The following INTS8 variants were observed in gnomAD, a reference collection of about 807,000 sequenced individuals.
INTS8 encodes the protein protein kaonashi-1.
In INTS8, 47 loss-of-function variants were observed where a neutral mutation model predicts 138.9. The ratio of observed to expected loss-of-function variants is 0.34; its 90% CI spans 0.27 to 0.43. The LOEUF (loss-of-function observed/expected upper bound fraction) is 0.43. INTS8 is among the 20% of genes least tolerant of loss of function. INTS8 has a pLI of 1.00. For synonymous variants in INTS8, 392 were observed against 400.9 expected (o/e 0.98, Z 0.27); for missense variants, 996 against 1,173.0 (o/e 0.85, Z 2.20).
intron 2 of INTS8, among the ~76,000 whole-genome samples, chr8:94,825,294 T>C (rs541063435): frequency 3.0e-4 from 45 of 152,166 alleles, no homozygotes; most frequent in Non-Finnish European, 5.1e-4. Flanking sequence ...TAGCCGGGCA[T>C]GGTGGCGGGC....
Position 94,849,913 on chromosome 8 carries a change from T to C in INTS8, c.1332-3T>C, listed in dbSNP as rs773483813. 6.2e-7 allele frequency: 1 copy of C among 1,601,984 alleles called. No homozygotes were observed. The highest frequency in any genetic ancestry group is 8.5e-7 in the Non-Finnish European group (1 of 1,173,726). ...TGTTTTACAATATTTCTTACTGATC[T>C]AGGAATGTGTGTCTGGGGTTGGAAG... On this transcript the variant is annotated splice_polypyrimidine_tract_variant and splice_region_variant and intron_variant, in intron 11 of 26. Coordinates refer to ENST00000523731, the MANE Select transcript of INTS8 (RefSeq NM_017864.4).
At chr8:94,872,361 G>A (rs570171137) in intron 21 of INTS8, among the ~76,000 whole-genome samples, 45 of 152,200 alleles carry the variant, frequency 3.0e-4, no homozygotes, top group African/African-American at 1.0e-3. Context: ...AGCCTCCCAA[G>A]TAGCTGGGAT....
intron 20 of INTS8, among the ~76,000 whole-genome samples, chr8:94,869,382 A>G (rs1046114878): frequency 5.9e-5 from 9 of 152,078 alleles, no homozygotes; most frequent in Admixed American, 5.2e-4. Flanking sequence ...GCTGGAGTGC[A>G]ATGGTACGAT....
At chr8:94,861,056 CAA>C (rs1195647511) in intron 16 of INTS8, among the ~76,000 whole-genome samples, 15 of 99,718 alleles carry the variant, frequency 1.5e-4, no homozygotes, top group Admixed American at 1.1e-4. Context: ...GACTCTGTCT[CAA>C]AAAAAAAAAA....
At chr8:94,865,417 C>A in intron 16 of INTS8, 89 bp from the exon 17 acceptor site, 4 of 1,034,164 alleles carry the variant, frequency 3.9e-6, no homozygotes, top group Non-Finnish European at 5.8e-6. Flanking sequence ...GGCAGTCATT[C>A]CATCTTTCCT....
chr8:94,842,072 A>AG (rs1419525490), intron 9 of INTS8, among the ~76,000 whole-genome samples: 1 of 142,342 alleles, frequency 7.0e-6, no homozygotes, highest in Non-Finnish European at 1.6e-5. Context: ...CCGTCTCAAA[A>AG]GAAAAAAAAA....
intron 16 of INTS8, among the ~76,000 whole-genome samples, chr8:94,861,673 C>T (rs555858769): frequency 1.3e-5 from 2 of 152,150 alleles, no homozygotes; most frequent in East Asian, 1.9e-4. Context: ...CTGCCTCAGC[C>T]CCCCGAGTAG....
chr8:94,848,516 A>T (rs1371642496), intron 10 of INTS8, among the ~76,000 whole-genome samples: 1 of 152,150 alleles, frequency 6.6e-6, no homozygotes, highest in Non-Finnish European at 1.5e-5. Context: ...ACCTGAGGCA[A>T]CTACTAATCT....
rs1586495781 is a variant in INTS8, at chr8:94,850,181, G to C, written c.1507+90G>C. On this transcript the variant is annotated intron_variant, in intron 12 of 26. Transcript: ENST00000523731. ...GAAATATATTTGAGGATTCTCTCTT[G>C]TTTTAATTAACACTTGTGTTGGTAA... 5.8e-6 allele frequency: 5 copies of C among 858,176 alleles called. No homozygotes were observed. In the East Asian group the frequency reaches 1.3e-4, roughly 22 times the overall value. The allele number at this position is 858,176 out of a possible 1,614,324, so 53.2% of individuals were successfully genotyped here.
intron 19 of INTS8, 38 bp downstream of exon 19, chr8:94,867,234 G>T (rs1364007690): frequency 6.2e-7 from 1 of 1,600,348 alleles, no homozygotes; most frequent in Admixed American, 1.7e-5. Flanking sequence ...AAATTTAAAA[G>T]AAATTTCTTT....
chr8:94,865,200 G>A (rs781549936), intron 16 of INTS8, among the ~76,000 whole-genome samples: 2 of 149,332 alleles, frequency 1.3e-5, no homozygotes, highest in Non-Finnish European at 1.5e-5. Flanking sequence ...TTAGCAACTC[G>A]TTTTTTTTTC....
chr8:94,876,676 A>T (rs1816576987), intron 26 of INTS8, 187 bp downstream of exon 26: 1 of 488,514 alleles, frequency 2.0e-6, no homozygotes, highest in African/African-American at 2.0e-5. Context: ...ATATTATTTT[A>T]AAATGTTAGA....
At chr8:94,824,756 C>T in intron 1 of INTS8, 137 bp from the exon 2 acceptor site, 1 of 423,100 alleles carries the variant, frequency 2.4e-6, no homozygotes, top group Non-Finnish European at 4.3e-6. Flanking sequence ...TGTTTGGATT[C>T]CTTTTGTGGC....
Position 94,880,280 on chromosome 8 carries a change from A to G in INTS8, c.*46A>G. ...TTTATTTTTTAAACAATGGGCTAAA[A>G]ATAAACAGTATTAAAAGGTTAAGTT... On this transcript the variant is annotated 3_prime_UTR_variant, in exon 27 of 27. Coordinates refer to ENST00000523731, the MANE Select transcript of INTS8 (RefSeq NM_017864.4). The G allele has an allele frequency of 1.0e-6, 1 of 989,234 alleles. No individual in the cohort carries two copies. Among genetic ancestry groups the G allele is most frequent in the East Asian group, 2.6e-5 (1 of 38,616 alleles). The allele number at this position is 989,234 out of a possible 1,614,324, so 61.3% of individuals were successfully genotyped here.
At chr8:94,834,214 T>C (rs1053816231) in intron 6 of INTS8, among the ~76,000 whole-genome samples, 1 of 152,210 alleles carries the variant, frequency 6.6e-6, no homozygotes, top group Non-Finnish European at 1.5e-5. Context: ...GTAAATCTAT[T>C]GAGCACCTCT....
intron 6 of INTS8, among the ~76,000 whole-genome samples, chr8:94,832,974 G>C (rs1000920263): frequency 2.6e-5 from 4 of 151,920 alleles, no homozygotes; most frequent in Non-Finnish European, 5.9e-5. Flanking sequence ...ATTACTTTGT[G>C]TGTTTATGTC....
Position 94,824,928 on chromosome 8 carries a change from G to A in INTS8, c.166G>A (p.Glu56Lys), listed in dbSNP as rs1393289860. 6.2e-7 allele frequency: 1 copy of A among 1,612,446 alleles called. No individual in the cohort carries two copies. The highest frequency in any genetic ancestry group is 2.2e-5 in the East Asian group (1 of 44,804). The change falls in exon 2 of 27, where the codon GAA becomes AAA. Residue 56 changes from glutamate to lysine, a missense_variant. Coordinates refer to ENST00000523731, the MANE Select transcript of INTS8 (RefSeq NM_017864.4). ...AGTTCAACTTATAGTTCAGTTTTTG[G>A]AACAGGCTTCCAAACCTTCAGTTAA... The part of the protein sequence containing the change: ...APVQLIVQFL[E>K]QASKPSVNEQ...
chr8:94,845,892 G>GA (rs1586489984), intron 10 of INTS8, among the ~76,000 whole-genome samples: 1 of 152,100 alleles, frequency 6.6e-6, no homozygotes, highest in East Asian at 1.9e-4. Context: ...TTCTTTATTA[G>GA]AAAAAATTTT....
intron 7 of INTS8, among the ~76,000 whole-genome samples, chr8:94,837,018 G>A (rs79293755): frequency 0.021 from 3,129 of 152,224 alleles, 36 homozygotes; most frequent in Non-Finnish European, 0.032. Context: ...GTATCTGCAA[G>A]CCTAAATTTT....
Sources: allele counts gnomAD v4.1 joint callset (sites outside exome capture counted in the v4.1 genomes callset), GRCh38; gene constraint gnomAD v4.1.1; transcripts MANE v1.5; gene names NCBI Gene and HGNC (gene_info 2026-07-23, HGNC 2026-07-21).